NDUFAF1: variants seen among roughly 807,000 people sequenced by gnomAD.
NDUFAF1 encodes the protein complex I intermediate-associated protein 30, mitochondrial.
A neutral mutation model predicts 28.7 loss-of-function variants in NDUFAF1; 18 were observed. That is an observed-to-expected ratio of 0.63 (90% CI 0.43 to 0.93). The LOEUF is 0.93. NDUFAF1 is among the 40% of genes least tolerant of loss of function. The pLI is 0.00. For missense variants in NDUFAF1, 404 were observed against 398.3 expected (o/e 1.01, Z -0.12); for synonymous variants, 113 against 139.7 (o/e 0.81, Z 1.35).
chr15:41,396,784 G>A lies in NDUFAF1; in HGVS notation c.276C>T (p.Tyr92=). ...TTTCATCCTTCAAAAGCCTAAAATG[G>A]TATATTGCTTCATCTCTAATTGCTT... The part of the protein sequence containing the change: ...FDKAIRDEAI[Y]HFRLLKDEIV... Residue 92 remains tyrosine (Y), a synonymous_variant, in exon 2 of 5, where the codon TAC becomes TAT. Coordinates refer to ENST00000260361, the MANE Select transcript of NDUFAF1 (RefSeq NM_016013.4). 1.2e-6 allele frequency: 2 copies of A among 1,614,086 alleles called. No individual in the cohort carries two copies. The highest frequency in any genetic ancestry group is 1.7e-6 in the Non-Finnish European group (2 of 1,180,040).
intron 4 of NDUFAF1, among the ~76,000 whole-genome samples, chr15:41,387,829 A>C (rs569022987): frequency 6.6e-6 from 1 of 152,154 alleles, no homozygotes. Context: ...AAGACTAGGA[A>C]GGACGGCCGG....
chr15:41,394,668 C>G (rs1284543841), intron 3 of NDUFAF1, among the ~76,000 whole-genome samples, 191 bp downstream of exon 3: 1 of 113,830 alleles, frequency 8.8e-6, no homozygotes, highest in Middle Eastern at 8.1e-3. Flanking sequence ...TCATCTCACT[C>G]TGTTGCCCAG....
upstream of NDUFAF1, among the ~76,000 whole-genome samples, chr15:41,402,766 CTG>C (rs2050483479): frequency 7.3e-6 from 1 of 137,660 alleles, no homozygotes; most frequent in Non-Finnish European, 1.5e-5. Context: ...GATTCTCGCT[CTG>C]TCGCCCAGGC....
intron 2 of NDUFAF1, among the ~76,000 whole-genome samples, chr15:41,395,334 G>C (rs1023429847): frequency 6.6e-6 from 1 of 151,730 alleles, no homozygotes; most frequent in African/African-American, 2.4e-5. Flanking sequence ...TTACCTGGTC[G>C]TATGGAGCAA....
At chr15:41,397,307 T>C (rs1393232153) in intron 1 of NDUFAF1, among the ~76,000 whole-genome samples, 167 bp from the exon 2 acceptor site, 1 of 152,120 alleles carries the variant, frequency 6.6e-6, no homozygotes, top group Non-Finnish European at 1.5e-5. Flanking sequence ...CTGGGTACAG[T>C]GGCACAATCA....
intron 1 of NDUFAF1, among the ~76,000 whole-genome samples, chr15:41,398,023 CAAAAAAA>C (rs1217218175): frequency 3.5e-5 from 2 of 56,958 alleles, no homozygotes; most frequent in South Asian, 6.2e-4. Context: ...GACTCTGTCT[CAAAAAAA>C]AAAAAAAAAA....
At chr15:41,395,696 C>CA (rs1460384902) in intron 2 of NDUFAF1, among the ~76,000 whole-genome samples, 1 of 82,592 alleles carries the variant, frequency 1.2e-5, no homozygotes, top group Non-Finnish European at 2.2e-5. Context: ...TTTTTTGAGA[C>CA]AAAGTTTCGC....
intron 3 of NDUFAF1, 67 bp from the exon 4 acceptor site, chr15:41,388,589 A>G: frequency 9.8e-7 from 1 of 1,023,168 alleles, no homozygotes; most frequent in Non-Finnish European, 1.6e-6. Context: ...ATGTAATTGT[A>G]ACGATAAAAT....
intron 1 of NDUFAF1, among the ~76,000 whole-genome samples, chr15:41,398,740 A>T (rs1374765420): frequency 6.6e-6 from 1 of 151,508 alleles, no homozygotes; most frequent in Non-Finnish European, 1.5e-5. Flanking sequence ...GGATCACTTG[A>T]GGTCAGGAGT....
intron 1 of NDUFAF1, 102 bp downstream of exon 1, chr15:41,402,042 C>A: frequency 4.0e-6 from 1 of 252,254 alleles, no homozygotes; most frequent in Non-Finnish European, 8.5e-6. Context: ...AAAATCTAAA[C>A]TATTAACTGG....
intron 3 of NDUFAF1, among the ~76,000 whole-genome samples, chr15:41,389,142 G>A (rs776872458): frequency 6.6e-6 from 1 of 151,864 alleles, no homozygotes; most frequent in South Asian, 2.1e-4. Context: ...GAGTGCAGTG[G>A]TGCCATCTTG....
At chr15:41,400,880 G>A (rs1199761799) in intron 1 of NDUFAF1, among the ~76,000 whole-genome samples, 1 of 151,258 alleles carries the variant, frequency 6.6e-6, no homozygotes, top group African/African-American at 2.4e-5. Context: ...ATTATCTCAT[G>A]CCATCCACAC....
chr15:41,399,672 G>A (rs1177040089), intron 1 of NDUFAF1, among the ~76,000 whole-genome samples: 2 of 150,876 alleles, frequency 1.3e-5, no homozygotes, highest in Non-Finnish European at 3.0e-5. Flanking sequence ...GGCTAAAACG[G>A]TGAAACCCCG....
chr15:41,400,351 A>T (rs539258838), intron 1 of NDUFAF1, among the ~76,000 whole-genome samples: 35 of 147,696 alleles, frequency 2.4e-4, no homozygotes, highest in Non-Finnish European at 5.1e-4. Context: ...CCTGGGCAAC[A>T]AGAGCAAAAT....
rs759033737 is a variant in NDUFAF1 at position 41,396,862 on chromosome 15, T to G, written c.198A>C (p.Glu66Asp). The G allele has an allele frequency of 6.2e-7, 1 of 1,614,190 alleles. No individual in the cohort carries two copies. The highest frequency in any genetic ancestry group is 1.1e-5 in the South Asian group (1 of 91,084). Reference sequence around the variant, plus strand: ...CAGAAGAAGTTATATCCAAAGCAACTTCTTTCTGGTGATCTCCTTGCAAAT... The same window carrying G: ...CAGAAGAAGTTATATCCAAAGCAACGTCTTTCTGGTGATCTCCTTGCAAAT... ...EGDLQGDHQKEVALDITSSEE... is the reference protein window; with the variant it reads ...EGDLQGDHQKDVALDITSSEE... Residue 66 changes from glutamate to aspartate, a missense_variant, in exon 2 of 5, where the codon GAA becomes GAC. By Grantham distance (45) the Glu-to-Asp change is conservative (BLOSUM62 2). Transcript: ENST00000260361.
At chr15:41,390,049 G>T (rs1288578006) in intron 3 of NDUFAF1, among the ~76,000 whole-genome samples, 1 of 151,850 alleles carries the variant, frequency 6.6e-6, no homozygotes, top group Admixed American at 6.6e-5. Context: ...CTGCAGCCTT[G>T]ACCTCCCAGG....
Position 41,397,074 on chromosome 15 carries a change from A to G in NDUFAF1, c.-15T>C, listed in dbSNP as rs756229672. On this transcript the variant is annotated 5_prime_UTR_variant, in exon 2 of 5. Transcript: ENST00000260361. ...ACCAAAGCCATGGTACAAAAAAATC[A>G]AAATGTAAGTTTCTTCCTGGGCTAG... is the stretch of plus-strand genomic sequence containing the variant. The G allele has an allele frequency of 5.6e-6, 9 of 1,612,428 alleles. No individual in the cohort carries two copies. The highest frequency in any genetic ancestry group is 7.6e-6 in the Non-Finnish European group (9 of 1,179,256).
Position 41,388,469 on chromosome 15 carries a change from C to G in NDUFAF1, c.813G>C (p.Gln271His). ...FSNRGRIRDV[Q>H]HELPLDKISS... ...TTACCTTATCAAGCGGAAGCTCATG[C>G]TGAACATCCCGGATTCTTCCTCGAT... The change falls in exon 4 of 5, where the codon CAG (glutamine) becomes CAC (histidine). Residue 271 changes from glutamine to histidine, a missense_variant. By Grantham distance (24) the Gln-to-His change is conservative. Transcript: ENST00000260361. 1 of 1,612,748 alleles carries G rather than the reference C, an allele frequency of 6.2e-7. No individual in the cohort carries two copies. Among genetic ancestry groups the G allele is most frequent in the Non-Finnish European group, 8.5e-7 (1 of 1,178,846 alleles).
chr15:41,401,078 C>T (rs1006312105), intron 1 of NDUFAF1, among the ~76,000 whole-genome samples: 3 of 151,582 alleles, frequency 2.0e-5, no homozygotes, highest in Admixed American at 1.3e-4. Flanking sequence ...GTCTCAGCCT[C>T]CTGAATAGCT....
Sources: allele counts gnomAD v4.1 joint callset (sites outside exome capture counted in the v4.1 genomes callset), GRCh38; gene constraint gnomAD v4.1.1; transcripts MANE v1.5; gene names NCBI Gene and HGNC (gene_info 2026-07-23, HGNC 2026-07-21).